METAP1: variants seen among roughly 807,000 people sequenced by gnomAD.
METAP1 encodes methionyl aminopeptidase 1, also known as methionine aminopeptidase 1.
Under a neutral mutation model 53.8 loss-of-function variants are expected in METAP1, and 28 were observed. The ratio of observed to expected loss-of-function variants is 0.52; its 90% CI spans 0.39 to 0.71. The LOEUF (loss-of-function observed/expected upper bound fraction) is 0.71. Among genes scored for constraint, METAP1 ranks in the 30% least tolerant of loss-of-function variants. The probability of loss-of-function intolerance (pLI) is 0.00; values close to 1 mark genes in which losing one functional copy is unlikely to be tolerated. For missense variants in METAP1, 389 were observed against 479.8 expected, an observed-to-expected ratio of 0.81 and a Z score of 1.77; for synonymous variants, 181 against 165.7, an observed-to-expected ratio of 1.09 and a Z score of -0.71.
intron 1 of METAP1, among the ~76,000 whole-genome samples, chr4:98,999,297 G>A (rs1030412740): frequency 5.9e-5 from 9 of 151,904 alleles, no homozygotes; most frequent in African/African-American, 2.2e-4. Flanking sequence ...TCATTTACTA[G>A]TTATGTGACT....
intron 3 of METAP1, 58 bp downstream of exon 3, chr4:99,034,400 C>A: frequency 9.9e-7 from 1 of 1,010,076 alleles, no homozygotes; most frequent in Non-Finnish European, 1.5e-6. Flanking sequence ...AAAAATGATA[C>A]TCGTAATTTG....
intron 1 of METAP1, among the ~76,000 whole-genome samples, chr4:99,025,076 C>T (rs927749766): frequency 2.0e-5 from 3 of 152,184 alleles, no homozygotes; most frequent in African/African-American, 4.8e-5. Flanking sequence ...AGGCTCCACC[C>T]GGTAATGCGG....
chr4:98,996,746 T>A (rs1429609635), intron 1 of METAP1, among the ~76,000 whole-genome samples: 2 of 152,208 alleles, frequency 1.3e-5, no homozygotes, highest in Non-Finnish European at 2.9e-5. Context: ...GTGTTGCTGC[T>A]GCATTTCGAG....
At chr4:99,048,994 A>T in intron 9 of METAP1, 118 bp downstream of exon 9, 1 of 1,210,534 alleles carries the variant, frequency 8.3e-7, no homozygotes, top group Non-Finnish European at 1.2e-6. Flanking sequence ...GCTGTAATAG[A>T]TAGATTCCCA....
In METAP1 at chr4:99,061,406, T is replaced by C; in HGVS notation, c.*89T>C. On this transcript the variant is annotated 3_prime_UTR_variant, in exon 11 of 11. Coordinates refer to ENST00000296411, the MANE Select transcript of METAP1 (RefSeq NM_015143.3). ...GAAAGGAAGAGGAACCTTTTTTTAA[T>C]CACTTGTTTTGTTTTGACTATAGAT... The C allele has an allele frequency of 7.9e-7, 1 of 1,262,862 alleles. No homozygotes were observed. Among genetic ancestry groups the C allele is most frequent in the Non-Finnish European group, 1.1e-6 (1 of 916,286 alleles). 78.2% of individuals were successfully genotyped at this position (1,262,862 alleles called of 1,614,324 possible). A position where few individuals can be genotyped will look rare whatever the true frequency, so the allele number is the denominator to read the frequency against.
intron 1 of METAP1, chr4:99,023,279 G>A: frequency 2.3e-6 from 1 of 428,234 alleles, no homozygotes; most frequent in Non-Finnish European, 3.4e-6. Context: ...GCTATAGTGA[G>A]CATTAAGTTG....
At chr4:99,016,583 C>T (rs553795110) in intron 1 of METAP1, among the ~76,000 whole-genome samples, 1 of 152,278 alleles carries the variant, frequency 6.6e-6, no homozygotes, top group Non-Finnish European at 1.5e-5. Context: ...CTGGCAGTGG[C>T]CTTTGAGAAA....
At chr4:99,044,556 T>C (rs145746014) in intron 7 of METAP1, among the ~76,000 whole-genome samples, 22 of 152,230 alleles carry the variant, frequency 1.4e-4, no homozygotes, top group African/African-American at 4.1e-4. Context: ...AACCAAAATA[T>C]CTATATTGTG....
intron 1 of METAP1, among the ~76,000 whole-genome samples, chr4:99,017,646 T>G (rs1723850579): frequency 6.6e-6 from 1 of 152,268 alleles, no homozygotes; most frequent in Non-Finnish European, 1.5e-5. Context: ...AGATAATCTC[T>G]TTCTAATAGG....
chr4:99,024,041 A>G (rs892579440), intron 1 of METAP1, among the ~76,000 whole-genome samples: 1 of 152,194 alleles, frequency 6.6e-6, no homozygotes, highest in Non-Finnish European at 1.5e-5. Flanking sequence ...AATGAAATCT[A>G]CAAGCCCACA....
At chr4:99,022,958 G>T in intron 1 of METAP1, 1 of 1,486,558 alleles carries the variant, frequency 6.7e-7, no homozygotes, top group Non-Finnish European at 9.1e-7. Context: ...ACATGTAGGG[G>T]CTGGAAGTGT....
intron 5 of METAP1, among the ~76,000 whole-genome samples, chr4:99,039,975 C>A (rs1365110157): frequency 6.6e-6 from 1 of 152,186 alleles, no homozygotes; most frequent in African/African-American, 2.4e-5. Flanking sequence ...GATCTGCCCG[C>A]CTCGGCCTCC....
At chr4:99,045,731 A>G (rs754648527) in intron 8 of METAP1, among the ~76,000 whole-genome samples, 2 of 152,170 alleles carry the variant, frequency 1.3e-5, no homozygotes, top group Non-Finnish European at 1.5e-5. Context: ...TCTTCTCTCT[A>G]GAGATATCCC....
intron 1 of METAP1, among the ~76,000 whole-genome samples, chr4:99,020,095 G>A (rs1424071752): frequency 6.6e-6 from 1 of 152,090 alleles, no homozygotes; most frequent in Non-Finnish European, 1.5e-5. Flanking sequence ...TGACCGGCAG[G>A]GTAATCACGT....
At chr4:99,060,360 CT>C (rs35135230) in intron 10 of METAP1, among the ~76,000 whole-genome samples, 1,414 of 103,624 alleles carry the variant, frequency 0.014, 24 homozygotes, top group African/African-American at 0.046. Flanking sequence ...TAAGCACATG[CT>C]TTTTTTTTTT....
At chr4:99,039,239 G>T in intron 4 of METAP1, 135 bp from the exon 5 acceptor site, 1 of 554,924 alleles carries the variant, frequency 1.8e-6, no homozygotes, top group African/African-American at 1.9e-5. Context: ...ATCTAACCTA[G>T]ACCATCCCAA....
In METAP1 at chr4:99,034,310, T is replaced by C; in HGVS notation, c.247T>C (p.Tyr83His). 3 of 1,546,834 alleles carry C rather than the reference T, an allele frequency of 1.9e-6. No individual in the cohort carries two copies. Among genetic ancestry groups the C allele is most frequent in the Non-Finnish European group, 2.6e-6 (3 of 1,142,668 alleles). ...TACTGACCCATGGGCAGGTTATCGA[T>C]ATACTGGTAAACTCAGACCACATTA... ...INTDPWAGYRYTGKLRPHYPL... is the reference protein window; with the variant it reads ...INTDPWAGYRHTGKLRPHYPL... Residue 83 changes from tyrosine to histidine, a missense_variant, in exon 3 of 11, where the codon TAT becomes CAT. Tyr to His is a moderately conservative substitution (Grantham distance 83). Transcript: ENST00000296411.
At chr4:99,029,229 A>G (rs1322594548) in intron 2 of METAP1, among the ~76,000 whole-genome samples, 1 of 152,138 alleles carries the variant, frequency 6.6e-6, no homozygotes, top group African/African-American at 2.4e-5. Flanking sequence ...AAGTGTTTGC[A>G]TATTGTAGTC....
chr4:99,029,321 C>G (rs1054325306), intron 2 of METAP1, among the ~76,000 whole-genome samples: 1 of 152,160 alleles, frequency 6.6e-6, no homozygotes, highest in African/African-American at 2.4e-5. Flanking sequence ...GCTTTTTCTA[C>G]TCAAAACTAT....
Sources: gnomAD v4.1 joint callset for allele counts (sites outside exome capture counted in the v4.1 genomes callset) on GRCh38, gnomAD v4.1.1 for gene constraint, MANE v1.5 for transcripts, NCBI Gene and HGNC (gene_info 2026-07-23, HGNC 2026-07-21) for gene names.